COP1: variants seen among roughly 807,000 people sequenced by gnomAD.
COP1 encodes COP1 E3 ubiquitin ligase, also known as E3 ubiquitin-protein ligase COP1.
In COP1, 24 loss-of-function variants were observed where a neutral mutation model predicts 101.3. The ratio of observed to expected loss-of-function variants is 0.24; its 90% CI spans 0.17 to 0.33. COP1 has a LOEUF of 0.33. COP1 is among the 10% of genes least tolerant of loss of function. The pLI, the probability that COP1 is intolerant of heterozygous loss-of-function variation, is 1.00. For synonymous variants in COP1, 347 were observed against 341.9 expected (o/e 1.01, Z -0.17); for missense variants, 663 against 906.2 (o/e 0.73, Z 3.45).
intron 6 of COP1, among the ~76,000 whole-genome samples, chr1:176,147,217 A>G (rs904782303): frequency 1.6e-4 from 25 of 152,160 alleles, no homozygotes; most frequent in Non-Finnish European, 1.5e-4. Context: ...AAACACGCAA[A>G]TAGACTTACA....
chr1:176,126,564 C>T (rs994311956), intron 8 of COP1, among the ~76,000 whole-genome samples: 1 of 152,096 alleles, frequency 6.6e-6, no homozygotes, highest in Admixed American at 6.6e-5. Context: ...TCAAGTGATT[C>T]TCCTGTCTCA....
chr1:176,116,658 T>C lies in COP1; in HGVS notation c.992A>G (p.Tyr331Cys), dbSNP rs1232750960. The C allele has an allele frequency of 7.4e-6, 12 of 1,612,024 alleles. No individual in the cohort carries two copies. Among genetic ancestry groups the C allele is most frequent in the Non-Finnish European group, 1.0e-5 (12 of 1,178,666 alleles). The change falls in exon 9 of 20, where the codon TAC becomes TGC. Residue 331 changes from tyrosine (Y) to cysteine (C), a missense_variant. Physicochemically the swap from Tyr to Cys is radical, Grantham distance 194. Transcript: ENST00000367669. ...GCCACTGAAACCTGGAGGTTGGCTGTATTCTGTGGAATCAATAATACTACT... is the reference window on the plus strand; with the variant it reads ...GCCACTGAAACCTGGAGGTTGGCTGCATTCTGTGGAATCAATAATACTACT... ...SHSSIIDSTE[Y>C]SQPPGFSGSS...
intron 3 of COP1, among the ~76,000 whole-genome samples, chr1:176,173,045 G>A (rs1696330304): frequency 6.6e-6 from 1 of 152,214 alleles, no homozygotes; most frequent in Non-Finnish European, 1.5e-5. Context: ...AGGGGCGGTG[G>A]CTCACACCTG....
chr1:176,007,350 A>C (rs1025992156), intron 15 of COP1, among the ~76,000 whole-genome samples: 1 of 152,164 alleles, frequency 6.6e-6, no homozygotes, highest in African/African-American at 2.4e-5. Flanking sequence ...AGCTCGTCAA[A>C]GTCATTCTCC....
chr1:176,138,080 T>C (rs748465109), intron 6 of COP1, among the ~76,000 whole-genome samples: 1 of 151,960 alleles, frequency 6.6e-6, no homozygotes, highest in Non-Finnish European at 1.5e-5. Flanking sequence ...TGATTGAAAA[T>C]TAAATCAGAG....
intron 9 of COP1, among the ~76,000 whole-genome samples, chr1:176,114,847 A>AATACTT (rs1685913252): frequency 6.6e-6 from 1 of 152,188 alleles, no homozygotes; most frequent in Non-Finnish European, 1.5e-5. Context: ...ATTTATAAAT[A>AATACTT]ATACTTTATC....
chr1:176,161,933 T>A (rs1694387946), intron 5 of COP1, among the ~76,000 whole-genome samples: 1 of 152,154 alleles, frequency 6.6e-6, no homozygotes, highest in Non-Finnish European at 1.5e-5. Context: ...GCCACAGAAA[T>A]CTTTAAACTG....
intron 11 of COP1, among the ~76,000 whole-genome samples, chr1:176,056,720 T>C (rs1279244641): frequency 2.0e-5 from 3 of 152,238 alleles, no homozygotes; most frequent in African/African-American, 7.2e-5. Context: ...TTTACTTTTG[T>C]ATCTGTCATC....
At chr1:176,206,225 C>G (rs1700835108) in intron 1 of COP1, 2 of 288,204 alleles carry the variant, frequency 6.9e-6, no homozygotes, top group Non-Finnish European at 1.3e-5. Flanking sequence ...ATCAGAGAGG[C>G]AAAAATTTTA....
intron 11 of COP1, among the ~76,000 whole-genome samples, chr1:176,061,337 CTG>C (rs1309343412): frequency 6.6e-6 from 1 of 152,184 alleles, no homozygotes; most frequent in Non-Finnish European, 1.5e-5. Flanking sequence ...CAGGAAAAAA[CTG>C]AACCTCGGCT....
At chr1:176,092,266 C>T (rs1681468197) in intron 9 of COP1, among the ~76,000 whole-genome samples, 1 of 152,030 alleles carries the variant, frequency 6.6e-6, no homozygotes, top group South Asian at 2.1e-4. Flanking sequence ...CTGAAGCATG[C>T]ATAGAACATT....
At chr1:176,161,555 A>T (rs1254063701) in intron 5 of COP1, among the ~76,000 whole-genome samples, 1 of 152,082 alleles carries the variant, frequency 6.6e-6, no homozygotes, top group Non-Finnish European at 1.5e-5. Context: ...CTATGACTGT[A>T]CCACTGCACT....
At chr1:176,183,322 T>G (rs941654101) in intron 2 of COP1, among the ~76,000 whole-genome samples, 1 of 152,204 alleles carries the variant, frequency 6.6e-6, no homozygotes, top group Non-Finnish European at 1.5e-5. Flanking sequence ...TAAGGAGTAT[T>G]AGAACACAAG....
rs1320545568 is a variant in COP1 at position 175,951,437 on chromosome 1, A to AAAATAT, written c.2134-4199_2134-4198insATATTT. Among the ~76,000 whole-genome samples the AAAATAT allele has an allele frequency of 3.4e-3, 365 of 108,016 alleles. 1 individual carries two copies. The highest frequency in any genetic ancestry group is 0.013 in the Middle Eastern group (3 of 240). The allele number at this position is 108,016 out of a possible 152,430, so 70.9% of individuals were successfully genotyped here. On this transcript the variant is annotated intron_variant, in intron 18 of 19. Transcript: ENST00000367669. Reference sequence around the variant, plus strand: ...AATGTATTTAAATATAAGATACGTGAATATATATATATATATATATATATA... The same window carrying AAAATAT: ...AATGTATTTAAATATAAGATACGTGAAAATATATATATATATATATATATATATATA...
chr1:176,162,031 G>A (rs1359163584), intron 5 of COP1, among the ~76,000 whole-genome samples: 2 of 152,108 alleles, frequency 1.3e-5, no homozygotes, highest in East Asian at 3.8e-4. Flanking sequence ...TCCACCATGT[G>A]ATAAAAAAGT....
intron 8 of COP1, among the ~76,000 whole-genome samples, chr1:176,132,505 A>ATGTG (rs923291796): frequency 6.6e-6 from 1 of 150,758 alleles, no homozygotes; most frequent in Non-Finnish European, 1.5e-5. Flanking sequence ...GGGGGTATGT[A>ATGTG]TGTGTGTGTG....
intron 1 of COP1, among the ~76,000 whole-genome samples, chr1:176,190,793 A>G (rs933618166): frequency 1.3e-5 from 2 of 152,064 alleles, no homozygotes; most frequent in African/African-American, 2.4e-5. Context: ...TAATATGTAC[A>G]TAGTTCAATA....
At chr1:176,031,173 T>A (rs1006500836) in intron 14 of COP1, among the ~76,000 whole-genome samples, 1 of 152,218 alleles carries the variant, frequency 6.6e-6, no homozygotes, top group African/African-American at 2.4e-5. Context: ...TTCTGTTGTC[T>A]TAAGCCAGCC....
chr1:175,959,467 AATAAAGAT>A (rs1401649860), intron 18 of COP1, among the ~76,000 whole-genome samples: 1 of 152,124 alleles, frequency 6.6e-6, no homozygotes, highest in Non-Finnish European at 1.5e-5. Context: ...ACGGCAAATG[AATAAAGAT>A]ATAAAGGTAT....
Sources: allele counts gnomAD v4.1 joint callset (sites outside exome capture counted in the v4.1 genomes callset), GRCh38; gene constraint gnomAD v4.1.1; transcripts MANE v1.5; gene names NCBI Gene and HGNC (gene_info 2026-07-23, HGNC 2026-07-21).